Variants in RGS21 observed in about 807,000 individuals in gnomAD.
RGS21 encodes regulator of G protein signaling 21, also known as regulator of G-protein signalling 21.
In RGS21, 19 loss-of-function variants were observed where a neutral mutation model predicts 18.7. The ratio of observed to expected loss-of-function variants is 1.01; its 90% confidence interval spans 0.71 to 1.49. The LOEUF is 1.49. Ranked by LOEUF, RGS21 falls within the 40% of genes most tolerant of loss-of-function variation. The pLI, the probability that RGS21 is intolerant of heterozygous loss-of-function variation, is 0.00. For missense variants in RGS21, 194 were observed against 176.8 expected, an observed-to-expected ratio of 1.10 and a Z score of -0.55; for synonymous variants, 56 against 57.8, an observed-to-expected ratio of 0.97 and a Z score of 0.14.
intron 4 of RGS21, among the ~76,000 whole-genome samples, chr1:192,364,459 T>A (rs1404910640): frequency 6.6e-6 from 1 of 152,168 alleles, no homozygotes; most frequent in Non-Finnish European, 1.5e-5. Context: ...TGTCATTTAA[T>A]CCTGAAAACA....
intron 2 of RGS21, among the ~76,000 whole-genome samples, chr1:192,344,348 A>C (rs547669189): frequency 6.6e-6 from 1 of 152,252 alleles, no homozygotes; most frequent in East Asian, 1.9e-4. Context: ...GGGTTAAAGC[A>C]GACAAACTTG....
At chr1:192,364,815 G>A (rs2102240083) in intron 4 of RGS21, among the ~76,000 whole-genome samples, 1 of 152,134 alleles carries the variant, frequency 6.6e-6, no homozygotes, top group South Asian at 2.1e-4. Flanking sequence ...CCCGCCTATG[G>A]TGAGCTTTTA....
chr1:192,347,737 G>A (rs1315128856), intron 3 of RGS21, among the ~76,000 whole-genome samples: 1 of 152,032 alleles, frequency 6.6e-6, no homozygotes, highest in East Asian at 1.9e-4. Context: ...TCAGCTCACT[G>A]CAAACTCCAC....
rs533965127 is a variant in RGS21 at position 192,358,104 on chromosome 1, C to T, written c.255+5891C>T. On this transcript the variant is annotated intron_variant, in intron 4 of 4. Transcript: ENST00000417209. ...TTTTGTATATCTATTTTTAGCCATC[C>T]GTACACGTTATGATTTCATATGTGT... 1.1e-3 allele frequency among the ~76,000 whole-genome samples: 161 copies of T among 152,020 alleles called. 2 individuals are homozygous for T. Among genetic ancestry groups the T allele is most frequent in the Middle Eastern group, 3.4e-3 (1 of 294 alleles).
At chr1:192,318,993 G>C (rs754697652) in intron 1 of RGS21, among the ~76,000 whole-genome samples, 2 of 152,082 alleles carry the variant, frequency 1.3e-5, no homozygotes, top group Non-Finnish European at 2.9e-5. Flanking sequence ...ACTTGGGGAG[G>C]CCAGAATGGG....
At chr1:192,334,612 A>T (rs560362647) in intron 1 of RGS21, among the ~76,000 whole-genome samples, 1 of 152,268 alleles carries the variant, frequency 6.6e-6, no homozygotes, top group African/African-American at 2.4e-5. Flanking sequence ...GGACACAAAA[A>T]ACACAGAAAA....
At chr1:192,350,201 T>C (rs964093682) in intron 3 of RGS21, among the ~76,000 whole-genome samples, 1 of 152,200 alleles carries the variant, frequency 6.6e-6, no homozygotes, top group South Asian at 2.1e-4. Context: ...GAATTTTAAT[T>C]GGTACCTGAT....
intron 4 of RGS21, among the ~76,000 whole-genome samples, chr1:192,363,261 A>C (rs1222752974): frequency 6.6e-6 from 1 of 152,104 alleles, no homozygotes. Flanking sequence ...ATAGGTGTTC[A>C]GTTACAACAA....
chr1:192,337,393 CTT>C (rs992679414), intron 1 of RGS21, among the ~76,000 whole-genome samples: 1 of 151,658 alleles, frequency 6.6e-6, no homozygotes, highest in Non-Finnish European at 1.5e-5. Context: ...AAAAAAATAA[CTT>C]TTTTATTTTT....
Position 192,351,335 on chromosome 1 carries a change from A to G in RGS21, c.89-712A>G, listed in dbSNP as rs973467722. Among the ~76,000 whole-genome samples, 4 of 152,266 alleles carry G rather than the reference A, an allele frequency of 2.6e-5. No individual in the cohort carries two copies. In the East Asian group the frequency reaches 7.7e-4, roughly 29 times the overall value. ...TGGTTTTGAGATCGAGTTGGCCTAT[A>G]TATTTATCCAAAACTAATAAATGCT... On this transcript the variant is annotated intron_variant, in intron 3 of 4. Coordinates refer to ENST00000417209, the MANE Select transcript of RGS21 (RefSeq NM_001039152.3).
At position 192,367,157 on chromosome 1, in the gene RGS21, ATTGT is replaced by A. The variant is rs1486664598; in HGVS notation, c.*1037_*1040del. On this transcript the variant is annotated 3_prime_UTR_variant, in exon 5 of 5. Coordinates refer to ENST00000417209, the MANE Select transcript of RGS21 (RefSeq NM_001039152.3). ...TCTGCATTGATATTTCTGCTTTTAG[ATTGT>A]TTGAACATTAAAAAATGGAGGAAAA... The A allele has an allele frequency of 8.5e-5, 13 of 152,122 alleles. No homozygotes were observed. The South Asian group carries it at 2.7e-3, about 32-fold the overall frequency. The allele number at this position is 152,122 out of a possible 1,614,324, so 9.4% of individuals were successfully genotyped here. A position where few individuals can be genotyped will look rare whatever the true frequency, so the allele number is the denominator to read the frequency against.
intron 1 of RGS21, among the ~76,000 whole-genome samples, chr1:192,322,988 T>G (rs1480612409): frequency 6.6e-6 from 1 of 152,118 alleles, no homozygotes; most frequent in Non-Finnish European, 1.5e-5. Flanking sequence ...GGGGCGGGGA[T>G]GGATGAAGCA....
At chr1:192,358,861 A>T (rs1659145130) in intron 4 of RGS21, among the ~76,000 whole-genome samples, 1 of 152,116 alleles carries the variant, frequency 6.6e-6, no homozygotes, top group Non-Finnish European at 1.5e-5. Context: ...CATCGCTTTC[A>T]GTTAACAAAA....
intron 1 of RGS21, among the ~76,000 whole-genome samples, chr1:192,333,520 A>G (rs1484538511): frequency 6.6e-6 from 1 of 151,688 alleles, no homozygotes; most frequent in Non-Finnish European, 1.5e-5. Context: ...GGCTAGTCAC[A>G]TGCGAAATGA....
intron 3 of RGS21, among the ~76,000 whole-genome samples, chr1:192,347,972 C>CTG (rs562560592): frequency 0.022 from 3,247 of 148,258 alleles, 129 homozygotes; most frequent in African/African-American, 0.074. Context: ...CCTAGGCTCG[C>CTG]TGTGTGTGTG....
chr1:192,320,074 C>T (rs934616420), intron 1 of RGS21, among the ~76,000 whole-genome samples: 1 of 151,822 alleles, frequency 6.6e-6, no homozygotes, highest in African/African-American at 2.4e-5. Context: ...TTTTTAAAAC[C>T]GCAATACCAG....
intron 4 of RGS21, among the ~76,000 whole-genome samples, chr1:192,355,642 T>G (rs185277402): frequency 1.3e-5 from 2 of 151,704 alleles, no homozygotes; most frequent in Admixed American, 6.6e-5. Flanking sequence ...TACATACTAA[T>G]AATGTGGGAG....
intron 1 of RGS21, among the ~76,000 whole-genome samples, chr1:192,341,067 G>C (rs1571455595): frequency 6.6e-6 from 1 of 151,996 alleles, no homozygotes; most frequent in South Asian, 2.1e-4. Flanking sequence ...AGTCTTTGAG[G>C]AGACTATCTC....
intron 1 of RGS21, among the ~76,000 whole-genome samples, chr1:192,318,529 A>G (rs1186083811): frequency 1.3e-5 from 2 of 152,110 alleles, no homozygotes; most frequent in African/African-American, 2.4e-5. Flanking sequence ...TCCTCGCCCA[A>G]GATTTATCTT....
Sources: gnomAD v4.1 joint callset for allele counts (sites outside exome capture counted in the v4.1 genomes callset) on GRCh38, gnomAD v4.1.1 for gene constraint, MANE v1.5 for transcripts, NCBI Gene and HGNC (gene_info 2026-07-23, HGNC 2026-07-21) for gene names.